Variants in BLTP1 observed in about 807,000 individuals in gnomAD.
BLTP1 encodes fragile site-associated protein.
At chr4:122,247,845 T>C in the BLTP1 span, 3 of 981,282 alleles carry the variant, frequency 3.1e-6, no homozygotes, top group Admixed American at 6.2e-5. Context: ...AGAGCTGTTA[T>C]ACATCATTTT....
At chr4:122,188,730 G>A in the BLTP1 span, among the ~76,000 whole-genome samples, 1 of 151,578 alleles carries the variant, frequency 6.6e-6, no homozygotes, top group Non-Finnish European at 1.5e-5. Context: ...TGATTTTTAT[G>A]TTTTTTCTCA....
chr4:122,236,561 G>A, the BLTP1 span, among the ~76,000 whole-genome samples: 339 of 152,272 alleles, frequency 2.2e-3, 2 homozygotes, highest in African/African-American at 7.9e-3. Context: ...ATATAGCCAA[G>A]TATGGCTGAG....
chr4:122,349,559 C>T, the BLTP1 span: 2 of 1,612,680 alleles, frequency 1.2e-6, no homozygotes, highest in Non-Finnish European at 1.7e-6. The surrounding 1 kb of genome is among the most constrained non-coding windows in gnomAD (Gnocchi z 4.5). Context: ...TCATGGGCAT[C>T]TTCAGTAATG....
chr4:122,200,583 CA>C, the BLTP1 span: 88,658 of 865,342 alleles, frequency 0.1, 16 homozygotes, highest in Non-Finnish European at 0.11. Context: ...CGTCTCAAAA[CA>C]AAAAAAAAAA....
the BLTP1 span, among the ~76,000 whole-genome samples, chr4:122,161,373 T>G: frequency 6.6e-6 from 1 of 152,048 alleles, no homozygotes; most frequent in Non-Finnish European, 1.5e-5. Flanking sequence ...AGAAATACTG[T>G]AATGAGATCT....
the BLTP1 span, among the ~76,000 whole-genome samples, chr4:122,260,182 C>G: frequency 1.3e-5 from 2 of 152,068 alleles, no homozygotes; most frequent in Non-Finnish European, 2.9e-5. Context: ...TATCCTGAAA[C>G]CAGTGGGCAA....
chr4:122,271,488 A>G, the BLTP1 span: 7 of 1,613,528 alleles, frequency 4.3e-6, no homozygotes, highest in African/African-American at 4.0e-5. Context: ...TCTCGAAACA[A>G]GAATTCATTA....
chr4:122,271,505 T>G, the BLTP1 span: 4 of 1,613,362 alleles, frequency 2.5e-6, no homozygotes, highest in Non-Finnish European at 3.4e-6. Context: ...ATTAGGAAGA[T>G]CTGAAAGAAG....
chr4:122,207,370 T>C, the BLTP1 span: 6 of 1,369,314 alleles, frequency 4.4e-6, no homozygotes, highest in Non-Finnish European at 5.9e-6. Flanking sequence ...CTAGAAGTTA[T>C]TTCCCCCCAT....
At chr4:122,195,689 TA>T in the BLTP1 span, 1 of 821,272 alleles carries the variant, frequency 1.2e-6, no homozygotes, top group Non-Finnish European at 1.5e-6. Context: ...AATGATCATC[TA>T]ATGGATTCTC....
chr4:122,233,594 A>C, the BLTP1 span, among the ~76,000 whole-genome samples: 2 of 152,348 alleles, frequency 1.3e-5, no homozygotes, highest in African/African-American at 4.8e-5. Flanking sequence ...AGTGATTTGA[A>C]ATGGATAACA....
chr4:122,311,788 C>A, the BLTP1 span, among the ~76,000 whole-genome samples: 2 of 152,250 alleles, frequency 1.3e-5, no homozygotes, highest in African/African-American at 4.8e-5. Flanking sequence ...TGCAAGCTCT[C>A]TGTAAAACCT....
chr4:122,271,233 C>T, the BLTP1 span: 1 of 1,613,948 alleles, frequency 6.2e-7, no homozygotes, highest in Middle Eastern at 1.6e-4. Flanking sequence ...GTAGATATGG[C>T]TTTGGTTCGT....
chr4:122,320,601 C>G, the BLTP1 span, among the ~76,000 whole-genome samples: 1 of 152,110 alleles, frequency 6.6e-6, no homozygotes, highest in South Asian at 2.1e-4. Flanking sequence ...ATATAGCTAT[C>G]CCTGCTTTCT....
chr4:122,305,003 A>G, the BLTP1 span: 1 of 1,576,206 alleles, frequency 6.3e-7, no homozygotes, highest in Non-Finnish European at 8.6e-7. Context: ...GAATATGTTG[A>G]TGTTAGAACG....
chr4:122,237,008 A>G, the BLTP1 span: 4 of 985,158 alleles, frequency 4.1e-6, no homozygotes, highest in Non-Finnish European at 3.6e-6. Context: ...AGTGAGCACT[A>G]TGTTCCTGTA....
At chr4:122,277,141 A>G in the BLTP1 span, 1 of 872,332 alleles carries the variant, frequency 1.1e-6, no homozygotes, top group Non-Finnish European at 1.4e-6. Context: ...GTTTGAGACC[A>G]GCCTGAGAAA....
At chr4:122,356,343 G>A in the BLTP1 span, among the ~76,000 whole-genome samples, 1 of 152,146 alleles carries the variant, frequency 6.6e-6, no homozygotes, top group South Asian at 2.1e-4. Flanking sequence ...GAGGATTTCA[G>A]ATTTTTGGAT....
chr4:122,251,842 C>G, the BLTP1 span, among the ~76,000 whole-genome samples: 1 of 152,158 alleles, frequency 6.6e-6, no homozygotes, highest in African/African-American at 2.4e-5. Flanking sequence ...TCTACTACTC[C>G]CTGATGAATT....
Sources: allele counts gnomAD v4.1 joint callset (sites outside exome capture counted in the v4.1 genomes callset), GRCh38; gene constraint gnomAD v4.1.1; non-coding constraint Gnocchi (gnomAD v3.1); transcripts MANE v1.5; gene names NCBI Gene and HGNC (gene_info 2026-07-23, HGNC 2026-07-21).